Variants in APBB1 observed in about 807,000 individuals in gnomAD.
The protein encoded by APBB1 is adaptor protein FE65a2.
A neutral mutation model predicts 78.4 loss-of-function variants in APBB1; 22 were observed. The observed-to-expected ratio is 0.28, with a 90% CI of 0.20 to 0.40. APBB1 has a LOEUF of 0.40. Ranked by LOEUF, APBB1 falls within the 10% of genes least tolerant of loss-of-function variation. The pLI is 1.00. For missense variants in APBB1, 749 were observed against 932.4 expected (o/e 0.80, Z 2.56); for synonymous variants, 369 against 372.7 (o/e 0.99, Z 0.12).
intron 2 of APBB1, among the ~76,000 whole-genome samples, chr11:6,406,247 G>A (rs192044686): frequency 3.0e-4 from 45 of 152,262 alleles, no homozygotes; most frequent in Non-Finnish European, 4.1e-4. Flanking sequence ...AAATGTTCAC[G>A]TATCATTCCT....
rs1848631627 is a variant in APBB1 at position 6,403,359 on chromosome 11, G to T, written c.1000C>A (p.Pro334Thr). 1 of 1,614,108 alleles carries T rather than the reference G, an allele frequency of 6.2e-7. No homozygotes were observed. The highest frequency in any genetic ancestry group is 8.5e-7 in the Non-Finnish European group (1 of 1,179,996). The change falls in exon 5 of 15, where the codon CCT (proline) becomes ACT (threonine). Residue 334 changes from proline to threonine, a missense_variant. This residue lies in a region of APBB1 where 635 missense variants were observed against 765.0 expected (regional missense o/e 0.83). Transcript: ENST00000609360. This position sits in a 1 kb window ranked among gnomAD's most constrained non-coding sequence, Gnocchi z 5.3. ...EAPMELGLKEPEEGTLTFPAQ... is the reference protein window; with the variant it reads ...EAPMELGLKETEEGTLTFPAQ... ...GGGAAGGTCAACGTCCCCTCCTCAG[G>T]TTCCTTCAGTCCCAGCTCCATTGGG...
chr11:6,395,570 G>A lies in APBB1; in HGVS notation c.2097C>T (p.Ser699=). The A allele has an allele frequency of 6.3e-7, 1 of 1,578,822 alleles. No individual in the cohort carries two copies. The highest frequency in any genetic ancestry group is 8.6e-7 in the Non-Finnish European group (1 of 1,161,538). ...VRRGVQSLWG[S]LKPKRLGAHT... ...GGGCCCCCAGCCGTTTGGGCTTCAGGGAGCCCCACAGCGACTGAACACCCC... is the reference window on the plus strand; with the variant it reads ...GGGCCCCCAGCCGTTTGGGCTTCAGAGAGCCCCACAGCGACTGAACACCCC... Residue 699 remains serine, a synonymous_variant, in exon 15 of 15, where the codon TCC becomes TCT. Transcript: ENST00000609360. This position sits in a 1 kb window ranked among gnomAD's most constrained non-coding sequence, Gnocchi z 5.2.
chr11:6,404,452 C>T (rs3937838), intron 2 of APBB1, among the ~76,000 whole-genome samples: 4,752 of 152,292 alleles, frequency 0.031, 123 homozygotes, highest in Non-Finnish European at 0.049. Context: ...ATGGCCCCAA[C>T]ACACGTGTGG....
At chr11:6,404,606 C>T (rs1205315664) in intron 2 of APBB1, 30 of 1,536,136 alleles carry the variant, frequency 2.0e-5, no homozygotes, top group Non-Finnish European at 2.4e-5. Flanking sequence ...TACACACATA[C>T]CTCGCATCTG....
At chr11:6,410,081 CAAA>C (rs34079231) in intron 2 of APBB1, among the ~76,000 whole-genome samples, 1 of 102,950 alleles carries the variant, frequency 9.7e-6, no homozygotes, top group African/African-American at 3.6e-5. Context: ...GACTCTGTCT[CAAA>C]AAAAAAAAAA....
intron 2 of APBB1, among the ~76,000 whole-genome samples, chr11:6,404,299 A>T (rs1033852768): frequency 6.6e-6 from 1 of 152,220 alleles, no homozygotes; most frequent in African/African-American, 2.4e-5. Context: ...GATGGCAGGT[A>T]TCACACACAG....
intron 1 of APBB1, among the ~76,000 whole-genome samples, chr11:6,418,374 T>C (rs1358057174): frequency 6.6e-5 from 10 of 152,070 alleles, no homozygotes; most frequent in Non-Finnish European, 2.9e-5. Context: ...AGTAAGGAAA[T>C]GAAGACAGCA....
At chr11:6,405,832 T>C (rs1434859482) in intron 2 of APBB1, among the ~76,000 whole-genome samples, 2 of 152,296 alleles carry the variant, frequency 1.3e-5, no homozygotes, top group East Asian at 3.9e-4. Flanking sequence ...TGCTGTTCCC[T>C]AGAGACCCTC....
chr11:6,396,406 C>G, intron 12 of APBB1, 191 bp from the exon 13 acceptor site: 1 of 559,978 alleles, frequency 1.8e-6, no homozygotes, highest in East Asian at 3.2e-5. Flanking sequence ...AGTAACTGGA[C>G]ATTTTCCTAC....
At position 6,402,339 on chromosome 11, in the gene APBB1, C is replaced by A; in HGVS notation, c.1255-130G>T. 2.2e-6 allele frequency: 3 copies of A among 1,355,926 alleles called. No homozygotes were observed. The East Asian group carries it at 7.2e-5, about 33-fold the overall frequency. The allele number at this position is 1,355,926 out of a possible 1,614,324, so 84.0% of individuals were successfully genotyped here. ...CTTTGGTGTCAGACCGCCCGCCCTG[C>A]AGGCCTCACTCTAGTGGAGGTCACG... On this transcript the variant is annotated intron_variant, in intron 7 of 14. Transcript: ENST00000609360.
At chr11:6,417,530 C>G (rs748267215) in intron 1 of APBB1, among the ~76,000 whole-genome samples, 1 of 152,154 alleles carries the variant, frequency 6.6e-6, no homozygotes, top group Non-Finnish European at 1.5e-5. Flanking sequence ...GTGCTGAAAT[C>G]ATATTTATTG....
In APBB1 at chr11:6,411,102, C is replaced by T. The variant is rs1186971924; in HGVS notation, c.246G>A (p.Thr82=). The part of the protein sequence containing the change: ...EGQNQLRRAA[T]AHRDQNRNVT... ...CATTGCGATTCTGGTCACGGTGGGC[C>T]GTGGCGGCCCGCCGGAGCTGGTTCT... Residue 82 remains threonine, a synonymous_variant, in exon 2 of 15, where the codon ACG becomes ACA. Coordinates refer to ENST00000609360, the MANE Select transcript of APBB1 (RefSeq NM_001164.5). The surrounding 1 kb of genome is among the most constrained non-coding windows in gnomAD (Gnocchi z 5.2). The T allele has an allele frequency of 1.3e-5, 21 of 1,612,466 alleles. No homozygotes were observed. The highest frequency in any genetic ancestry group is 4.0e-5 in the African/African-American group (3 of 74,930).
chr11:6,405,416 T>C, intron 2 of APBB1: 8 of 987,118 alleles, frequency 8.1e-6, no homozygotes, highest in Non-Finnish European at 9.6e-6. Context: ...CTGCAGCGTC[T>C]CCTCGGCAAC....
Position 6,395,501 on chromosome 11 carries a change from A to G in APBB1, c.*33T>C, listed in dbSNP as rs747996601. On this transcript the variant is annotated 3_prime_UTR_variant, in exon 15 of 15. Transcript: ENST00000609360. The surrounding 1 kb of genome is among the most constrained non-coding windows in gnomAD (Gnocchi z 5.2). ...ACACCCTTTAGTTCCCTGGGGCCCA[A>G]CACAAGCAGGTGGAGGGAAGGTGGG... 1 of 1,511,884 alleles carries G rather than the reference A, an allele frequency of 6.6e-7. No homozygotes were observed. Among genetic ancestry groups the G allele is most frequent in the Non-Finnish European group, 8.8e-7 (1 of 1,130,702 alleles). 93.7% of individuals were successfully genotyped at this position (1,511,884 alleles called of 1,614,324 possible). A position where few individuals can be genotyped will look rare whatever the true frequency, so the allele number is the denominator to read the frequency against.
At position 6,395,536 on chromosome 11, in the gene APBB1, A is replaced by ATGGGC; in HGVS notation, c.2130_2131insGCCCA (p.Ter711AlafsTer58). ...GTGGAGGGAAGGTGGGGGCTTCTTC[A>ATGGGC]TGGGGTATGGGCCCCCAGCCGTTTG... On this transcript the variant is annotated frameshift_variant, in exon 15 of 15. Coordinates refer to ENST00000609360, the MANE Select transcript of APBB1 (RefSeq NM_001164.5). LOFTEE classifies it high-confidence loss of function. The surrounding 1 kb of genome is among the most constrained non-coding windows in gnomAD (Gnocchi z 5.2). The ATGGGC allele has an allele frequency of 6.5e-7, 1 of 1,547,722 alleles. No individual in the cohort carries two copies. The highest frequency in any genetic ancestry group is 8.7e-7 in the Non-Finnish European group (1 of 1,148,726).
Position 6,403,818 on chromosome 11 carries a change from G to C in APBB1, c.726C>G (p.Ser242=). ...TCTCGAAGGCGTTGGGGTTCCAGAA[G>C]GAATCTGCCAGGTGGGAGGCTTGGT... is the stretch of plus-strand genomic sequence containing the variant. ...PSYGSPEDTD[S]FWNPNAFETD... The change falls in exon 3 of 15, where the codon TCC becomes TCG. Residue 242 remains serine (S), a synonymous_variant. Transcript: ENST00000609360. This position sits in a 1 kb window ranked among gnomAD's most constrained non-coding sequence, Gnocchi z 5.3. 1 of 1,542,752 alleles carries C rather than the reference G, an allele frequency of 6.5e-7. No homozygotes were observed. The highest frequency in any genetic ancestry group is 8.7e-7 in the Non-Finnish European group (1 of 1,143,240).
rs1324956684 is a variant in APBB1 at position 6,411,856 on chromosome 11, A to G, written c.-14-495T>C. The stretch of plus-strand genomic sequence containing the variant: ...CTATTCCCATAAATCACTCAGCTCA[A>G]CCAGCCCCCAAGCCCACCCCATACT... On this transcript the variant is annotated intron_variant, in intron 1 of 14. Transcript: ENST00000609360. The surrounding 1 kb of genome is among the most constrained non-coding windows in gnomAD (Gnocchi z 5.2). 2.0e-5 allele frequency among the ~76,000 whole-genome samples: 3 copies of G among 152,076 alleles called. No individual in the cohort carries two copies. The highest frequency in any genetic ancestry group is 4.8e-5 in the African/African-American group (2 of 41,398).
At chr11:6,405,638 C>T in intron 2 of APBB1, 1 of 985,852 alleles carries the variant, frequency 1.0e-6, no homozygotes, top group Non-Finnish European at 1.2e-6. Context: ...AGGCAGGGTG[C>T]TTCACCATCC....
At position 6,402,590 on chromosome 11, in the gene APBB1, C is replaced by A; in HGVS notation, c.1240G>T (p.Gly414Trp). 1 of 1,614,150 alleles carries A rather than the reference C, an allele frequency of 6.2e-7. No homozygotes were observed. The highest frequency in any genetic ancestry group is 8.5e-7 in the Non-Finnish European group (1 of 1,180,020). The change falls in exon 7 of 15, where the codon GGG becomes TGG. Residue 414 changes from glycine (G) to tryptophan (W), a missense_variant. Gly to Trp is a radical substitution (Grantham distance 184, BLOSUM62 -2). This residue lies in a region of APBB1 where 635 missense variants were observed against 765.0 expected (regional missense o/e 0.83). Coordinates refer to ENST00000609360, the MANE Select transcript of APBB1 (RefSeq NM_001164.5). Reference sequence around the variant, plus strand: ...CAGGTCCTTACTTCCCCCCAGCCCCCAGACATGGGGTCATGCAGGTTGTTT... The same window carrying A: ...CAGGTCCTTACTTCCCCCCAGCCCCAAGACATGGGGTCATGCAGGTTGTTT... Reference protein sequence around the residue: ...HKNNLHDPMSGGWGEGKDLLL... With the variant: ...HKNNLHDPMSWGWGEGKDLLL...
Sources: gnomAD v4.1 joint callset for allele counts (sites outside exome capture counted in the v4.1 genomes callset) on GRCh38, gnomAD v4.1.1 for gene constraint, gnomAD v4.1.1 regional missense constraint, Gnocchi (gnomAD v3.1) non-coding constraint, MANE v1.5 for transcripts, NCBI Gene and HGNC (gene_info 2026-07-23, HGNC 2026-07-21) for gene names.